Variants in DMD observed in about 807,000 individuals in gnomAD.
The protein encoded by DMD is dystrophin, also known as mutant dystrophin.
In DMD, 63 loss-of-function variants were observed where a neutral mutation model predicts 330.1. The ratio of observed to expected loss-of-function variants is 0.19; its 90% CI spans 0.16 to 0.24. DMD has a LOEUF of 0.24. Among genes scored for constraint, DMD ranks in the 10% least tolerant of loss-of-function variants. The probability of loss-of-function intolerance (pLI) is 1.00; values close to 1 mark genes in which losing one functional copy is unlikely to be tolerated. For missense variants in DMD, 3,344 were observed against 2,684.1 expected, an observed-to-expected ratio of 1.25 and a Z score of -5.43; for synonymous variants, 1,223 against 959.8, an observed-to-expected ratio of 1.27 and a Z score of -5.07.
At chrX:32,429,379 T>C (rs1318451746) in intron 29 of DMD, among the ~76,000 whole-genome samples, 9 of 81,067 alleles carry the variant, frequency 1.1e-4, no homozygotes, top group African/African-American at 4.4e-4. Flanking sequence ...CTGGATACTT[T>C]TTTTTGGGTT....
intron 2 of DMD, among the ~76,000 whole-genome samples, chrX:33,001,222 C>CCA (rs966299286): frequency 1.8e-5 from 2 of 111,634 alleles, no homozygotes; most frequent in Non-Finnish European, 3.8e-5. Flanking sequence ...GTATTGAGGA[C>CCA]CACAGATGCT....
At chrX:31,453,606 T>C (rs1305650523) in intron 59 of DMD, among the ~76,000 whole-genome samples, 1 of 109,773 alleles carries the variant, frequency 9.1e-6, no homozygotes, top group Non-Finnish European at 1.9e-5. Context: ...GATAGTAAAC[T>C]TCATGTAATT....
intron 55 of DMD, among the ~76,000 whole-genome samples, chrX:31,569,822 G>A (rs1442479157): frequency 9.3e-6 from 1 of 107,695 alleles, no homozygotes; most frequent in African/African-American, 3.4e-5. Flanking sequence ...CTTTAGAAAT[G>A]TAGCCTTATA....
intron 2 of DMD, among the ~76,000 whole-genome samples, chrX:32,892,640 A>ACC (rs780471508): frequency 1.1e-3 from 126 of 110,684 alleles, no homozygotes; most frequent in Non-Finnish European, 2.3e-3. Flanking sequence ...CTCGTGATCC[A>ACC]CCCGCCTCAG....
chrX:33,042,137 A>G (rs1250498376), intron 1 of DMD, among the ~76,000 whole-genome samples: 1 of 111,444 alleles, frequency 9.0e-6, no homozygotes, highest in African/African-American at 3.3e-5. Flanking sequence ...CCATGGAAAA[A>G]AAAGAGAACT....
At chrX:31,820,232 G>A (rs967539318) in intron 49 of DMD, 149 bp from the exon 50 acceptor site, 1 of 518,506 alleles carries the variant, frequency 1.9e-6, no homozygotes, top group Non-Finnish European at 3.2e-6. Flanking sequence ...TCTTTTAAAG[G>A]AATTATAATT....
chrX:31,690,963 T>C (rs994507526), intron 52 of DMD, among the ~76,000 whole-genome samples: 2 of 109,462 alleles, frequency 1.8e-5, no homozygotes, highest in African/African-American at 6.7e-5. Context: ...CACCGGGGCC[T>C]GTCGTGGGGT....
intron 30 of DMD, among the ~76,000 whole-genome samples, chrX:32,395,502 C>G (rs1358299837): frequency 9.0e-6 from 1 of 111,292 alleles, no homozygotes; most frequent in African/African-American, 3.3e-5. Context: ...AGCACACCAA[C>G]ATGTCACATG....
At chrX:32,964,545 T>G (rs2092052806) in intron 2 of DMD, among the ~76,000 whole-genome samples, 1 of 109,107 alleles carries the variant, frequency 9.2e-6, no homozygotes, top group Non-Finnish European at 1.9e-5. Context: ...CCATCTCTAC[T>G]AAAAATACAA....
At chrX:32,927,601 A>C (rs1159773265) in intron 2 of DMD, among the ~76,000 whole-genome samples, 1 of 111,045 alleles carries the variant, frequency 9.0e-6, no homozygotes, top group Non-Finnish European at 1.9e-5. Flanking sequence ...AAAGTCTGTT[A>C]AGCAAATGCA....
chrX:31,558,507 T>C (rs2074989028), intron 55 of DMD, among the ~76,000 whole-genome samples: 1 of 111,525 alleles, frequency 9.0e-6, no homozygotes, highest in South Asian at 3.8e-4. Flanking sequence ...AATCACACTT[T>C]GCACAGCAAG....
At chrX:32,848,359 G>A (rs1207864843) in intron 3 of DMD, among the ~76,000 whole-genome samples, 3 of 112,025 alleles carry the variant, frequency 2.7e-5, no homozygotes, top group Non-Finnish European at 5.6e-5. Context: ...ATTGTTCACA[G>A]TCATAGGAGA....
At chrX:31,384,750 T>C (rs1273357933) in intron 60 of DMD, among the ~76,000 whole-genome samples, 4 of 111,983 alleles carry the variant, frequency 3.6e-5, no homozygotes, top group Non-Finnish European at 7.5e-5. Flanking sequence ...TGTTTCACCA[T>C]TCACTCAGAG....
chrX:31,336,547 T>A, intron 61 of DMD, among the ~76,000 whole-genome samples: 1 of 112,651 alleles, frequency 8.9e-6, no homozygotes, highest in Non-Finnish European at 1.9e-5. Flanking sequence ...CCACTAATTA[T>A]CTGGCCCCAA....
At chrX:31,798,464 C>A (rs1190617482) in intron 50 of DMD, among the ~76,000 whole-genome samples, 3 of 107,817 alleles carry the variant, frequency 2.8e-5, no homozygotes, top group Non-Finnish European at 3.8e-5. Flanking sequence ...AATAGATAGT[C>A]AGATATTCAG....
At chrX:31,383,241 T>C (rs1250053184) in intron 60 of DMD, among the ~76,000 whole-genome samples, 1 of 111,352 alleles carries the variant, frequency 9.0e-6, no homozygotes, top group African/African-American at 3.3e-5. Context: ...CCAAATCTTA[T>C]AGAACGGCCC....
At chrX:32,039,193 G>C (rs1038023272) in intron 44 of DMD, among the ~76,000 whole-genome samples, 1 of 110,870 alleles carries the variant, frequency 9.0e-6, no homozygotes, top group Non-Finnish European at 1.9e-5. Flanking sequence ...TGCTTGCAAA[G>C]TGTATAATAG....
intron 44 of DMD, among the ~76,000 whole-genome samples, chrX:32,200,782 C>T (rs374795670): frequency 2.9e-4 from 31 of 105,284 alleles, no homozygotes; most frequent in African/African-American, 1.3e-3. Flanking sequence ...GTGTTATACT[C>T]AGTGCCCATC....
At chrX:32,732,211 G>A (rs1056617735) in intron 7 of DMD, among the ~76,000 whole-genome samples, 4 of 110,669 alleles carry the variant, frequency 3.6e-5, no homozygotes, top group African/African-American at 6.6e-5. Flanking sequence ...AAGTTTAGAG[G>A]AAAAAGAATA....
Sources: allele counts gnomAD v4.1 joint callset (sites outside exome capture counted in the v4.1 genomes callset), GRCh38; gene constraint gnomAD v4.1.1; transcripts MANE v1.5; gene names NCBI Gene and HGNC (gene_info 2026-07-23, HGNC 2026-07-21).